Variants in SCFD2 observed in about 807,000 individuals in gnomAD.
SCFD2 encodes the protein sec1 family domain-containing protein 2.
SCFD2 carries 54 observed loss-of-function variants against 58.9 expected under a neutral mutation model. That is an observed-to-expected ratio of 0.92 (90% CI 0.74 to 1.15). SCFD2 has a LOEUF of 1.15. SCFD2 is among the 50% of genes most tolerant of loss of function. SCFD2 has a pLI of 0.00. For synonymous variants in SCFD2, 321 were observed against 335.9 expected, an observed-to-expected ratio of 0.96 and a Z score of 0.49; for missense variants, 805 against 836.6, an observed-to-expected ratio of 0.96 and a Z score of 0.47.
At chr4:52,904,524 A>G (rs1005196234) in intron 7 of SCFD2, among the ~76,000 whole-genome samples, 2 of 152,216 alleles carry the variant, frequency 1.3e-5, no homozygotes, top group Non-Finnish European at 2.9e-5. Context: ...AGCGCTGCCA[A>G]TGAGTCCCAG....
chr4:53,008,553 T>C (rs1560508445), intron 5 of SCFD2, among the ~76,000 whole-genome samples: 1 of 152,142 alleles, frequency 6.6e-6, no homozygotes, highest in Non-Finnish European at 1.5e-5. Flanking sequence ...CTCTTTACAA[T>C]GTTGGAAGGA....
chr4:53,352,486 T>C, intron 2 of SCFD2, 112 bp downstream of exon 2: 1 of 864,548 alleles, frequency 1.2e-6, no homozygotes, highest in Non-Finnish European at 1.7e-6. Context: ...CACTGTGAAA[T>C]TTTCAACCAG....
At chr4:53,113,540 C>A (rs1725231696) in intron 5 of SCFD2, among the ~76,000 whole-genome samples, 1 of 152,072 alleles carries the variant, frequency 6.6e-6, no homozygotes, top group Non-Finnish European at 1.5e-5. Context: ...TCTGTCTTAT[C>A]CTGACTGGTA....
chr4:53,240,744 G>T (rs913281772), intron 4 of SCFD2, among the ~76,000 whole-genome samples: 3 of 152,240 alleles, frequency 2.0e-5, no homozygotes, highest in African/African-American at 7.2e-5. Flanking sequence ...GCTTGAAAAA[G>T]ACATGCAGTC....
At chr4:53,226,188 C>G in intron 4 of SCFD2, among the ~76,000 whole-genome samples, 1 of 152,052 alleles carries the variant, frequency 6.6e-6, no homozygotes, top group East Asian at 1.9e-4. Context: ...AATATTATTT[C>G]TTTTCCCACT....
At chr4:53,264,155 C>A (rs539154909) in intron 4 of SCFD2, among the ~76,000 whole-genome samples, 1 of 152,270 alleles carries the variant, frequency 6.6e-6, no homozygotes, top group Non-Finnish European at 1.5e-5. Context: ...CCACTGTGCC[C>A]CAGCAATAGG....
At chr4:53,245,310 A>G (rs1163291610) in intron 4 of SCFD2, among the ~76,000 whole-genome samples, 1 of 152,146 alleles carries the variant, frequency 6.6e-6, no homozygotes, top group African/African-American at 2.4e-5. Flanking sequence ...AAAAAAGGGG[A>G]AAACTTCAGG....
At chr4:53,331,884 A>C (rs541592135) in intron 2 of SCFD2, among the ~76,000 whole-genome samples, 1 of 152,212 alleles carries the variant, frequency 6.6e-6, no homozygotes, top group Non-Finnish European at 1.5e-5. Flanking sequence ...AGAAGAATCA[A>C]ATAGAGGCAA....
At chr4:53,069,354 A>C (rs928601157) in intron 5 of SCFD2, among the ~76,000 whole-genome samples, 1 of 152,072 alleles carries the variant, frequency 6.6e-6, no homozygotes, top group Non-Finnish European at 1.5e-5. Context: ...ATTCTAATTC[A>C]CATTAATTTA....
chr4:53,237,673 G>T (rs1156417326), intron 4 of SCFD2, among the ~76,000 whole-genome samples: 21 of 136,614 alleles, frequency 1.5e-4, no homozygotes, highest in South Asian at 2.4e-4. Flanking sequence ...CCCGGACGGG[G>T]CGGCTGGCCG....
At chr4:53,297,401 C>T (rs764710044) in intron 3 of SCFD2, among the ~76,000 whole-genome samples, 10 of 152,010 alleles carry the variant, frequency 6.6e-5, no homozygotes, top group South Asian at 2.1e-4. Flanking sequence ...TGCCCTTCTT[C>T]GTCTCTTTTG....
At chr4:52,887,456 G>T (rs970014409) in intron 7 of SCFD2, among the ~76,000 whole-genome samples, 1 of 152,192 alleles carries the variant, frequency 6.6e-6, no homozygotes, top group African/African-American at 2.4e-5. Flanking sequence ...ACACTGAGGG[G>T]ACAAGAAGGG....
intron 4 of SCFD2, among the ~76,000 whole-genome samples, chr4:53,257,856 A>G (rs1730694300): frequency 6.6e-6 from 1 of 152,138 alleles, no homozygotes; most frequent in Non-Finnish European, 1.5e-5. Context: ...TTTCTGCATT[A>G]TGCATGCTCT....
intron 3 of SCFD2, among the ~76,000 whole-genome samples, chr4:53,279,988 T>C (rs922881424): frequency 6.6e-6 from 1 of 152,214 alleles, no homozygotes; most frequent in Non-Finnish European, 1.5e-5. Flanking sequence ...AACATGAGAT[T>C]TGGGTGAGGA....
chr4:53,325,224 T>TAAAA (rs34208247), intron 2 of SCFD2, among the ~76,000 whole-genome samples: 1 of 133,354 alleles, frequency 7.5e-6, no homozygotes, highest in African/African-American at 2.7e-5. Flanking sequence ...TTTGTGACAG[T>TAAAA]AAAAAAAAAA....
At chr4:53,341,955 A>C (rs1733891214) in intron 2 of SCFD2, among the ~76,000 whole-genome samples, 1 of 152,244 alleles carries the variant, frequency 6.6e-6, no homozygotes, top group Non-Finnish European at 1.5e-5. Flanking sequence ...CTCCTGAAAG[A>C]AGCACTAAAC....
chr4:53,280,676 A>G (rs190419136), intron 3 of SCFD2, among the ~76,000 whole-genome samples: 9 of 152,362 alleles, frequency 5.9e-5, no homozygotes, highest in African/African-American at 2.2e-4. Context: ...GTAGAATTTG[A>G]ATAAACAGAT....
In SCFD2 at chr4:53,156,472, C is replaced by T. The variant is rs1343277975; in HGVS notation, c.1312-10890G>A. 2.0e-5 allele frequency among the ~76,000 whole-genome samples: 3 copies of T among 150,780 alleles called. No homozygotes were observed. The East Asian group carries it at 5.8e-4, about 29-fold the overall frequency. On this transcript the variant is annotated intron_variant, in intron 4 of 8. Transcript: ENST00000401642. ...CAGCACTTTGGGAGGCCAAGGCGGG[C>T]AGATCATGAGGTCAGGAGATCAAGA...
At chr4:53,213,480 T>A (rs1460380300) in intron 4 of SCFD2, among the ~76,000 whole-genome samples, 9 of 152,076 alleles carry the variant, frequency 5.9e-5, no homozygotes, top group Non-Finnish European at 1.5e-5. Context: ...TCTACCTGCT[T>A]TCAGTCATGC....
Sources: allele counts gnomAD v4.1 joint callset (sites outside exome capture counted in the v4.1 genomes callset), GRCh38; gene constraint gnomAD v4.1.1; transcripts MANE v1.5; gene names NCBI Gene and HGNC (gene_info 2026-07-23, HGNC 2026-07-21).